The following ROCK1 variants were observed in gnomAD, a reference collection of about 807,000 sequenced individuals.
ROCK1 encodes the protein Rho associated coiled-coil containing protein kinase 1.
Under a neutral mutation model 196.8 loss-of-function variants are expected in ROCK1, and 36 were observed. The ratio of observed to expected loss-of-function variants is 0.18; its 90% CI spans 0.14 to 0.24. ROCK1 has a LOEUF of 0.24. ROCK1 is among the 10% of genes least tolerant of loss of function. ROCK1 has a pLI of 1.00. For synonymous variants in ROCK1, 443 were observed against 515.9 expected (o/e 0.86, Z 1.91); for missense variants, 920 against 1,562.0 (o/e 0.59, Z 6.93).
intron 16 of ROCK1, among the ~76,000 whole-genome samples, chr18:21,005,581 A>G (rs1311333544): frequency 6.6e-6 from 1 of 152,206 alleles, no homozygotes; most frequent in Non-Finnish European, 1.5e-5. Flanking sequence ...TTATTCTAAA[A>G]GAGAAAGAAT....
intron 1 of ROCK1, among the ~76,000 whole-genome samples, chr18:21,072,966 C>T (rs1171671107): frequency 2.7e-5 from 4 of 148,096 alleles, no homozygotes; most frequent in Non-Finnish European, 4.4e-5. Flanking sequence ...CCCAGCTACT[C>T]GGGAGGTTGA....
At chr18:21,020,128 A>T (rs1297260798) in intron 12 of ROCK1, 23 bp downstream of exon 12, 1 of 1,473,740 alleles carries the variant, frequency 6.8e-7, no homozygotes, top group Non-Finnish European at 9.3e-7. Context: ...TTTTAATATG[A>T]AAAACTTAAA....
intron 16 of ROCK1, among the ~76,000 whole-genome samples, chr18:20,995,970 A>C (rs2035667034): frequency 6.6e-6 from 1 of 152,120 alleles, no homozygotes; most frequent in Admixed American, 6.6e-5. Flanking sequence ...GACTGCAATG[A>C]CTACAATAAA....
At chr18:21,005,293 A>G (rs1318876116) in intron 16 of ROCK1, among the ~76,000 whole-genome samples, 2 of 152,326 alleles carry the variant, frequency 1.3e-5, no homozygotes, top group Admixed American at 6.5e-5. Flanking sequence ...CAGTTCAAAC[A>G]TTCCCAAGTA....
At chr18:21,093,598 T>C (rs2036588770) in intron 1 of ROCK1, among the ~76,000 whole-genome samples, 1 of 152,140 alleles carries the variant, frequency 6.6e-6, no homozygotes, top group Non-Finnish European at 1.5e-5. Context: ...GCCCTCATTT[T>C]CCTGCAAACT....
In ROCK1 at chr18:20,950,773, A is replaced by G. The variant is rs904113675; in HGVS notation, c.*611T>C. On this transcript the variant is annotated 3_prime_UTR_variant, in exon 33 of 33. Coordinates refer to ENST00000399799, the MANE Select transcript of ROCK1 (RefSeq NM_005406.3). ...AAACATATACAGTATTTTGTAAAGC[A>G]TAATGAAAGATATTTAATTTCTCCA... is the stretch of plus-strand genomic sequence containing the variant. 5.2e-5 allele frequency: 8 copies of G among 152,642 alleles called. No individual in the cohort carries two copies. Among genetic ancestry groups the G allele is most frequent in the African/African-American group, 1.9e-4 (8 of 41,446 alleles). The allele number at this position is 152,642 out of a possible 1,614,324, so 9.5% of individuals were successfully genotyped here.
chr18:20,989,127 A>G (rs1339054498), intron 18 of ROCK1, among the ~76,000 whole-genome samples: 1 of 152,224 alleles, frequency 6.6e-6, no homozygotes, highest in Non-Finnish European at 1.5e-5. Flanking sequence ...ATTTGACTAA[A>G]AAGGAAAATT....
chr18:21,091,937 G>C (rs566948456), intron 1 of ROCK1, among the ~76,000 whole-genome samples: 1 of 152,114 alleles, frequency 6.6e-6, no homozygotes, highest in South Asian at 2.1e-4. Flanking sequence ...CCGAGATCAT[G>C]CCACTGCACT....
intron 18 of ROCK1, among the ~76,000 whole-genome samples, chr18:20,987,955 T>C (rs2035591192): frequency 6.6e-6 from 1 of 152,136 alleles, no homozygotes. Flanking sequence ...ATTGACTATT[T>C]AACATCTCCA....
intron 1 of ROCK1, among the ~76,000 whole-genome samples, chr18:21,101,876 T>C (rs2036662081): frequency 6.6e-6 from 1 of 151,976 alleles, no homozygotes; most frequent in Non-Finnish European, 1.5e-5. Context: ...AAATGTCCTT[T>C]TTTTTTTTCA....
chr18:21,023,291 T>A (rs1330738106), intron 11 of ROCK1, among the ~76,000 whole-genome samples: 1 of 152,178 alleles, frequency 6.6e-6, no homozygotes, highest in African/African-American at 2.4e-5. Flanking sequence ...TCTGTTTAAA[T>A]ATTTTGAACA....
intron 1 of ROCK1, among the ~76,000 whole-genome samples, chr18:21,079,983 C>T (rs2143568123): frequency 6.6e-6 from 1 of 152,230 alleles, no homozygotes; most frequent in South Asian, 2.1e-4. Flanking sequence ...AAATACACTC[C>T]AGGGGAGTGC....
chr18:20,959,130 T>TATA (rs1568367503), intron 29 of ROCK1, among the ~76,000 whole-genome samples: 14 of 50,474 alleles, frequency 2.8e-4, no homozygotes, highest in African/African-American at 2.4e-3. Flanking sequence ...AATATATATA[T>TATA]TATATATATT....
At chr18:21,033,461 T>C (rs762496292) in intron 9 of ROCK1, among the ~76,000 whole-genome samples, 1 of 152,014 alleles carries the variant, frequency 6.6e-6, no homozygotes, top group Non-Finnish European at 1.5e-5. Flanking sequence ...ATTCAACACT[T>C]TACTGGAAGC....
chr18:21,025,002 T>C (rs2035943962), intron 10 of ROCK1, among the ~76,000 whole-genome samples: 2 of 152,224 alleles, frequency 1.3e-5, no homozygotes, highest in African/African-American at 4.8e-5. Context: ...GACTGTTTCA[T>C]CTCTAAGATA....
Position 20,948,320 on chromosome 18 carries a change from AATACTGCAGTATCAACTGAAT to A in ROCK1, c.*3043_*3063del, listed in dbSNP as rs2035149240. On this transcript the variant is annotated 3_prime_UTR_variant, in exon 33 of 33. Coordinates refer to ENST00000399799, the MANE Select transcript of ROCK1 (RefSeq NM_005406.3). ...ATGCAGGAAAGAAGTATTTTCAATG[AATACTGCAGTATCAACTGAAT>A]ATCCATATGGGAGAAATACTGCTTG... 6.6e-6 allele frequency: 1 copy of A among 152,066 alleles called. No homozygotes were observed. Among genetic ancestry groups the A allele is most frequent in the Non-Finnish European group, 1.5e-5 (1 of 68,042 alleles). 9.4% of individuals were successfully genotyped at this position (152,066 alleles called of 1,614,324 possible). A position where few individuals can be genotyped will look rare whatever the true frequency, so the allele number is the denominator to read the frequency against.
chr18:21,013,623 G>T (rs554290906), intron 13 of ROCK1, among the ~76,000 whole-genome samples: 2 of 152,340 alleles, frequency 1.3e-5, no homozygotes, highest in African/African-American at 4.8e-5. Flanking sequence ...TGTCTGGGGA[G>T]AGAAAGAAGG....
intron 19 of ROCK1, among the ~76,000 whole-genome samples, chr18:20,984,895 C>T (rs1472355934): frequency 1.3e-5 from 2 of 152,084 alleles, no homozygotes; most frequent in Non-Finnish European, 2.9e-5. Flanking sequence ...AGGTGGATTG[C>T]TTGAACCCAG....
intron 16 of ROCK1, among the ~76,000 whole-genome samples, chr18:20,993,693 A>G (rs1393728665): frequency 6.6e-6 from 1 of 152,220 alleles, no homozygotes; most frequent in African/African-American, 2.4e-5. Flanking sequence ...CTTAGTTTTA[A>G]CTTACCTGAT....
Sources: allele counts gnomAD v4.1 joint callset (sites outside exome capture counted in the v4.1 genomes callset), GRCh38; gene constraint gnomAD v4.1.1; transcripts MANE v1.5; gene names NCBI Gene and HGNC (gene_info 2026-07-23, HGNC 2026-07-21).